The following NALCN variants were observed in gnomAD, a reference collection of about 807,000 sequenced individuals.
The protein encoded by NALCN is sodium leak channel, non-selective.
NALCN carries 111 observed loss-of-function variants against 225.3 expected under a neutral mutation model. The ratio of observed to expected loss-of-function variants is 0.49; its 90% CI spans 0.42 to 0.58. NALCN has a LOEUF of 0.58. NALCN is among the 20% of genes least tolerant of loss of function. The pLI is 0.00. For missense variants in NALCN, 1,378 were observed against 2,202.4 expected (o/e 0.63, Z 7.49); for synonymous variants, 764 against 769.0 (o/e 0.99, Z 0.11).
chr13:101,271,640 G>C (rs1228165772), intron 10 of NALCN, among the ~76,000 whole-genome samples: 1 of 151,848 alleles, frequency 6.6e-6, no homozygotes, highest in Non-Finnish European at 1.5e-5. Context: ...AGGTATGTGC[G>C]TGTGTATGTG....
intron 13 of NALCN, among the ~76,000 whole-genome samples, chr13:101,218,562 C>T (rs1311573137): frequency 6.6e-6 from 1 of 152,006 alleles, no homozygotes; most frequent in African/African-American, 2.4e-5. Flanking sequence ...CAATTGTAAT[C>T]CCCAATATTG....
chr13:101,324,471 G>A (rs1243711232), intron 7 of NALCN, among the ~76,000 whole-genome samples: 2 of 152,174 alleles, frequency 1.3e-5, no homozygotes, highest in Non-Finnish European at 2.9e-5. Flanking sequence ...GTGGTTTGTA[G>A]TTCTCCTTGA....
At chr13:101,383,863 A>G (rs891239012) in intron 3 of NALCN, among the ~76,000 whole-genome samples, 7 of 152,230 alleles carry the variant, frequency 4.6e-5, no homozygotes, top group Non-Finnish European at 1.0e-4. Flanking sequence ...TTTATACATT[A>G]CCATGATTGT....
intron 13 of NALCN, among the ~76,000 whole-genome samples, chr13:101,214,093 C>T (rs892618365): frequency 1.3e-4 from 20 of 152,174 alleles, no homozygotes; most frequent in African/African-American, 4.6e-4. Context: ...CACATGTATA[C>T]ACCATGGAAT....
intron 17 of NALCN, among the ~76,000 whole-genome samples, chr13:101,127,501 G>A (rs2036294284): frequency 6.6e-6 from 1 of 152,200 alleles, no homozygotes; most frequent in East Asian, 1.9e-4. Context: ...TGGGATTACA[G>A]GCATGCACTA....
intron 13 of NALCN, among the ~76,000 whole-genome samples, chr13:101,201,608 T>C (rs2040123561): frequency 6.6e-6 from 1 of 152,226 alleles, no homozygotes. Flanking sequence ...TGAACATTTA[T>C]ATACAAGTTT....
intron 1 of NALCN, among the ~76,000 whole-genome samples, chr13:101,400,536 A>C (rs2047436931): frequency 6.9e-6 from 1 of 145,078 alleles, no homozygotes; most frequent in Non-Finnish European, 1.5e-5. Flanking sequence ...GTACAAGAAC[A>C]TGTTTGCAGT....
At chr13:101,278,792 G>C (rs892327618) in intron 10 of NALCN, among the ~76,000 whole-genome samples, 2 of 152,160 alleles carry the variant, frequency 1.3e-5, no homozygotes, top group African/African-American at 4.8e-5. Context: ...CAAACTCCAA[G>C]TGTACTGCTT....
intron 18 of NALCN, among the ~76,000 whole-genome samples, chr13:101,117,712 C>T (rs2035783508): frequency 6.6e-6 from 1 of 152,168 alleles, no homozygotes; most frequent in Non-Finnish European, 1.5e-5. Flanking sequence ...CCTTTCCATG[C>T]TGAATAATTA....
chr13:101,057,670 TG>T, intron 43 of NALCN: 1 of 452,162 alleles, frequency 2.2e-6, no homozygotes, highest in Non-Finnish European at 4.0e-6. Flanking sequence ...TTCTCCCTCT[TG>T]CTGAATCTTG....
chr13:101,325,066 T>G (rs1440380271), intron 7 of NALCN, among the ~76,000 whole-genome samples: 1 of 152,184 alleles, frequency 6.6e-6, no homozygotes, highest in Non-Finnish European at 1.5e-5. Flanking sequence ...ATACCAAAAC[T>G]TCACCTGTCT....
intron 2 of NALCN, among the ~76,000 whole-genome samples, 166 bp from the exon 3 acceptor site, chr13:101,395,531 T>C (rs944980867): frequency 6.6e-6 from 1 of 152,150 alleles, no homozygotes; most frequent in African/African-American, 2.4e-5. Flanking sequence ...GTGCTACAAA[T>C]ATTTTCACGT....
chr13:101,352,034 C>T (rs1251663685), intron 6 of NALCN, among the ~76,000 whole-genome samples: 1 of 151,974 alleles, frequency 6.6e-6, no homozygotes, highest in Non-Finnish European at 1.5e-5. Context: ...TTCCTGTATT[C>T]GTAGGGGGGC....
At chr13:101,138,741 CGGG>C (rs1566326597) in intron 17 of NALCN, among the ~76,000 whole-genome samples, 1 of 152,180 alleles carries the variant, frequency 6.6e-6, no homozygotes, top group Non-Finnish European at 1.5e-5. Context: ...GAGAACAGAG[CGGG>C]CTGCTTTTAT....
intron 18 of NALCN, among the ~76,000 whole-genome samples, chr13:101,120,955 C>A (rs1490689053): frequency 6.6e-6 from 1 of 152,160 alleles, no homozygotes; most frequent in East Asian, 1.9e-4. Context: ...GAAACCCAAA[C>A]CCAAAACCTT....
intron 19 of NALCN, 47 bp downstream of exon 19, chr13:101,111,078 C>G: frequency 6.4e-7 from 1 of 1,560,962 alleles, no homozygotes; most frequent in Non-Finnish European, 8.8e-7. Flanking sequence ...TCCTGTAAAA[C>G]CCCCCTTTTT....
intron 7 of NALCN, among the ~76,000 whole-genome samples, chr13:101,308,274 TC>T (rs2044220300): frequency 1.3e-5 from 2 of 152,228 alleles, no homozygotes. Context: ...GGAATATGTT[TC>T]CTAGAATTTC....
At chr13:101,187,534 C>G (rs1478262777) in intron 14 of NALCN, among the ~76,000 whole-genome samples, 2 of 152,066 alleles carry the variant, frequency 1.3e-5, no homozygotes, top group African/African-American at 2.4e-5. Context: ...CAACAAATAT[C>G]CAATAAATGA....
intron 17 of NALCN, among the ~76,000 whole-genome samples, chr13:101,130,660 T>C (rs1594270009): frequency 1.3e-5 from 2 of 152,362 alleles, no homozygotes; most frequent in Non-Finnish European, 2.9e-5. Flanking sequence ...GGGCATCCTA[T>C]ATATGTTACT....
Sources: allele counts gnomAD v4.1 joint callset (sites outside exome capture counted in the v4.1 genomes callset), GRCh38; gene constraint gnomAD v4.1.1; transcripts MANE v1.5; gene names NCBI Gene and HGNC (gene_info 2026-07-23, HGNC 2026-07-21).